MCM9: variants seen among roughly 807,000 people sequenced by gnomAD.
MCM9 encodes DNA helicase MCM9.
Under a neutral mutation model 72.8 loss-of-function variants are expected in MCM9, and 55 were observed. The ratio of observed to expected loss-of-function variants is 0.76; its 90% confidence interval spans 0.61 to 0.95. The LOEUF (loss-of-function observed/expected upper bound fraction) is 0.95. Among genes scored for constraint, MCM9 ranks in the 40% least tolerant of loss-of-function variants. MCM9 has a pLI of 0.00. For missense variants in MCM9, 1,279 were observed against 1,377.0 expected (o/e 0.93, Z 1.13); for synonymous variants, 480 against 503.4 (o/e 0.95, Z 0.62).
intron 5 of MCM9, 41 bp from the exon 6 acceptor site, chr6:118,917,802 C>T: frequency 6.5e-7 from 1 of 1,532,656 alleles, no homozygotes; most frequent in Non-Finnish European, 9.0e-7. Flanking sequence ...TAGCATCCTG[C>T]ATGCTGAGCA....
chr6:118,916,468 T>TATC (rs1780968809), intron 6 of MCM9, among the ~76,000 whole-genome samples: 1 of 132,056 alleles, frequency 7.6e-6, no homozygotes, highest in Non-Finnish European at 1.6e-5. Flanking sequence ...TTATTATTAT[T>TATC]ATTATTATGA....
chr6:118,922,468 A>G (rs1254256043), intron 4 of MCM9, among the ~76,000 whole-genome samples: 1 of 152,242 alleles, frequency 6.6e-6, no homozygotes, highest in African/African-American at 2.4e-5. Context: ...CCTTAGTAAC[A>G]GAACCCTAGT....
chr6:118,898,773 C>G (rs75661965), intron 8 of MCM9, among the ~76,000 whole-genome samples: 8,718 of 152,250 alleles, frequency 0.057, 361 homozygotes, highest in East Asian at 0.19. Flanking sequence ...GTACCTTTCA[C>G]ATCACTTTCT....
chr6:118,820,150 T>G (rs910672177), intron 13 of MCM9, among the ~76,000 whole-genome samples: 4 of 152,178 alleles, frequency 2.6e-5, no homozygotes, highest in Non-Finnish European at 4.4e-5. Flanking sequence ...TAGTTATTTC[T>G]TGTCTTCTGC....
At position 118,917,804 on chromosome 6, in the gene MCM9, T is replaced by G. The variant is rs776888226; in HGVS notation, c.704-43A>C. ...GTGAGTCCAGCAGTAGCATCCTGCA[T>G]GCTGAGCACAGACTCAAAATGACAA... On this transcript the variant is annotated intron_variant, in intron 5 of 13. Coordinates refer to ENST00000619706, the MANE Select transcript of MCM9 (RefSeq NM_017696.3). 8.5e-6 allele frequency: 13 copies of G among 1,535,496 alleles called. No homozygotes were observed. In the African/African-American group the frequency reaches 1.2e-4, roughly 15 times the overall value.
At chr6:118,843,736 A>ATG (rs1562407382) in intron 9 of MCM9, among the ~76,000 whole-genome samples, 1 of 129,772 alleles carries the variant, frequency 7.7e-6, no homozygotes, top group Admixed American at 8.0e-5. Flanking sequence ...ATATATATAT[A>ATG]TATATGAGAA....
At chr6:118,819,141 AAC>A (rs1369280680) in intron 13 of MCM9, among the ~76,000 whole-genome samples, 11 of 152,284 alleles carry the variant, frequency 7.2e-5, no homozygotes, top group African/African-American at 2.6e-4. Context: ...CTCTGGCCAG[AAC>A]TTCCAATACT....
At chr6:118,824,984 T>C (rs192467537) in intron 13 of MCM9, among the ~76,000 whole-genome samples, 63 of 152,328 alleles carry the variant, frequency 4.1e-4, no homozygotes, top group Admixed American at 1.1e-3. Context: ...TTTCTTTCCC[T>C]CCAGGAGGGT....
chr6:118,930,150 G>C (rs980927841), intron 3 of MCM9, among the ~76,000 whole-genome samples: 1 of 151,570 alleles, frequency 6.6e-6, no homozygotes, highest in Non-Finnish European at 1.5e-5. Context: ...TCGCTCTGTT[G>C]CCCAGGCTGG....
intron 8 of MCM9, chr6:118,894,278 A>G (rs985053161): frequency 6.8e-6 from 10 of 1,463,946 alleles, no homozygotes; most frequent in Non-Finnish European, 9.0e-6. Flanking sequence ...AAGAGGAAAA[A>G]AGTTTCTCAA....
chr6:118,931,380 C>G lies in MCM9; in HGVS notation c.304+40G>C, dbSNP rs770564988. 2.0e-6 allele frequency: 3 copies of G among 1,521,470 alleles called. No individual in the cohort carries two copies. The South Asian group carries it at 3.6e-5, about 18-fold the overall frequency. 94.2% of individuals were successfully genotyped at this position (1,521,470 alleles called of 1,614,324 possible). ...TCTAGTATATTTTCTCAAAATCTTT[C>G]TAGAAGATAGCATGGCAGTAAAATC... On this transcript the variant is annotated intron_variant, in intron 3 of 13. Coordinates refer to ENST00000619706, the MANE Select transcript of MCM9 (RefSeq NM_017696.3).
chr6:118,902,064 T>G (rs916281670), intron 8 of MCM9, among the ~76,000 whole-genome samples: 1 of 152,202 alleles, frequency 6.6e-6, no homozygotes, highest in African/African-American at 2.4e-5. Context: ...TCTAAAGAAA[T>G]AGCTAAGAAA....
chr6:118,934,914 A>G lies in MCM9; in HGVS notation c.-173T>C, dbSNP rs1885125. ...ACTGGCTGTGTCAGAAGTCGCCGGG[A>G]ACGCGTTGCTCCCGAGGCCGAAGGG... On this transcript the variant is annotated 5_prime_UTR_variant, in exon 1 of 14. Transcript: ENST00000619706. The G allele has an allele frequency of 0.58, 88,388 of 152,176 alleles. 26,233 individuals carry two copies. The highest frequency in any genetic ancestry group is 0.69 in the East Asian group (3,553 of 5,166). 9.4% of individuals were successfully genotyped at this position (152,176 alleles called of 1,614,324 possible). A position where few individuals can be genotyped will look rare whatever the true frequency, so the allele number is the denominator to read the frequency against.
At chr6:118,819,434 G>A (rs796176885) in intron 13 of MCM9, among the ~76,000 whole-genome samples, 5 of 152,116 alleles carry the variant, frequency 3.3e-5, no homozygotes, top group African/African-American at 4.8e-5. Context: ...GTTGATTTGT[G>A]TATGTTGAAC....
intron 8 of MCM9, among the ~76,000 whole-genome samples, chr6:118,874,690 A>C (rs1777826463): frequency 6.6e-6 from 1 of 152,274 alleles, no homozygotes; most frequent in Non-Finnish European, 1.5e-5. Flanking sequence ...GGATGTCTGA[A>C]CAAACTGAGA....
chr6:118,911,639 A>G lies in MCM9; in HGVS notation c.1150+11T>C. 1.2e-6 allele frequency: 2 copies of G among 1,602,042 alleles called. No individual in the cohort carries two copies. Among genetic ancestry groups the G allele is most frequent in the Non-Finnish European group, 1.7e-6 (2 of 1,173,986 alleles). On this transcript the variant is annotated intron_variant, in intron 8 of 13. Coordinates refer to ENST00000619706, the MANE Select transcript of MCM9 (RefSeq NM_017696.3). The stretch of plus-strand genomic sequence containing the variant: ...TAATGTTAAATTACTTGAAATTGTC[A>G]CATACAATACCTGCACTAGTAGATC...
At chr6:118,914,257 CTGTT>C (rs926233560) in intron 6 of MCM9, among the ~76,000 whole-genome samples, 14 of 152,276 alleles carry the variant, frequency 9.2e-5, no homozygotes, top group Middle Eastern at 3.4e-3. Context: ...AAGAACATCA[CTGTT>C]TGGGGTTCTG....
At chr6:118,827,546 A>G (rs1774244978) in intron 11 of MCM9, among the ~76,000 whole-genome samples, 1 of 152,232 alleles carries the variant, frequency 6.6e-6, no homozygotes, top group South Asian at 2.1e-4. Context: ...GCAACTGGCA[A>G]TTAATGAGCA....
intron 8 of MCM9, chr6:118,908,495 T>C (rs933445676): frequency 1.1e-4 from 16 of 152,106 alleles, no homozygotes; most frequent in African/African-American, 3.9e-4. Context: ...ATAAAAACCA[T>C]GGATTTAGAA....
Sources: allele counts gnomAD v4.1 joint callset (sites outside exome capture counted in the v4.1 genomes callset), GRCh38; gene constraint gnomAD v4.1.1; transcripts MANE v1.5; gene names NCBI Gene and HGNC (gene_info 2026-07-23, HGNC 2026-07-21).